The following SLC24A1 variants were observed in gnomAD, a reference collection of about 807,000 sequenced individuals.
SLC24A1 encodes solute carrier family 24 member 1.
Under a neutral mutation model 88.1 loss-of-function variants are expected in SLC24A1, and 52 were observed. The observed-to-expected ratio is 0.59, with a 90% CI of 0.47 to 0.74. The LOEUF (loss-of-function observed/expected upper bound fraction) is 0.74. Ranked by LOEUF, SLC24A1 falls within the 30% of genes least tolerant of loss-of-function variation. The pLI, the probability that SLC24A1 is intolerant of heterozygous loss-of-function variation, is 0.00. For missense variants in SLC24A1, 1,173 were observed against 1,363.3 expected (o/e 0.86, Z 2.20); for synonymous variants, 455 against 498.0 (o/e 0.91, Z 1.15).
intron 1 of SLC24A1, chr15:65,612,169 ACTTT>A (rs1277347780): frequency 2.0e-5 from 3 of 152,270 alleles, no homozygotes; most frequent in South Asian, 2.1e-4. Flanking sequence ...GCAAGAGGTG[ACTTT>A]CTTTCTAACC....
At position 65,645,681 on chromosome 15, in the gene SLC24A1, A is replaced by T; in HGVS notation, c.2210A>T (p.Gln737Leu). Residue 737 changes from glutamine (Q) to leucine (L), a missense_variant, in exon 6 of 10, where the codon CAG (glutamine) becomes CTG (leucine). Gln to Leu is a moderately radical substitution (Grantham distance 113, BLOSUM62 -2). Coordinates refer to ENST00000261892, the MANE Select transcript of SLC24A1 (RefSeq NM_004727.3). Reference sequence around the variant, plus strand: ...CCTGTTCCAGACATCAAGGGAGATCAGAAGGAGAATCCAGGCGGTCAGGTA... The same window carrying T: ...CCTGTTCCAGACATCAAGGGAGATCTGAAGGAGAATCCAGGCGGTCAGGTA... Reference protein sequence around the residue: ...PAPVPDIKGDQKENPGGQEDV... With the variant: ...PAPVPDIKGDLKENPGGQEDV... 6.3e-7 allele frequency: 1 copy of T among 1,577,682 alleles called. No homozygotes were observed.
chr15:65,640,197 C>G (rs911887103), intron 4 of SLC24A1, among the ~76,000 whole-genome samples: 13 of 152,140 alleles, frequency 8.5e-5, no homozygotes, highest in African/African-American at 2.7e-4. Context: ...CTTCCTTTTG[C>G]TTTATATTCA....
chr15:65,637,266 T>C (rs1356787215), intron 2 of SLC24A1, among the ~76,000 whole-genome samples: 1 of 147,894 alleles, frequency 6.8e-6, no homozygotes, highest in Non-Finnish European at 1.5e-5. Context: ...CCCAAAACAC[T>C]AGCACTTACC....
downstream of SLC24A1, among the ~76,000 whole-genome samples, chr15:65,656,895 G>A (rs2075701120): frequency 6.6e-6 from 1 of 152,160 alleles, no homozygotes; most frequent in South Asian, 2.1e-4. Flanking sequence ...AAAAGAGACG[G>A]GGCCTTGCCC....
In SLC24A1 at chr15:65,654,745, GC is replaced by G; in HGVS notation, c.*669del. 1 of 1,185,194 alleles carries G rather than the reference GC, an allele frequency of 8.4e-7. No homozygotes were observed. Among genetic ancestry groups the G allele is most frequent in the African/African-American group, 1.8e-5 (1 of 56,492 alleles). The allele number at this position is 1,185,194 out of a possible 1,614,324, so 73.4% of individuals were successfully genotyped here. On this transcript the variant is annotated 3_prime_UTR_variant, in exon 10 of 10. Coordinates refer to ENST00000261892, the MANE Select transcript of SLC24A1 (RefSeq NM_004727.3). Reference sequence around the variant, plus strand: ...TTTGAGACAGAGTTTGGCTCTTGTTGCCCAGGCTGGTGTGCAATGGCGTGAT... The same window carrying G: ...TTTGAGACAGAGTTTGGCTCTTGTTGCCAGGCTGGTGTGCAATGGCGTGAT...
Position 65,646,178 on chromosome 15 carries a change from CTCT to C in SLC24A1, c.2232+482_2232+484del, listed in dbSNP as rs893220516. ...TGCCCCGTCTTTACAGCCTCATGGTCTCTTCTTCTACCATGCTCCAGCCAAACT... is the reference window on the plus strand; with the variant it reads ...TGCCCCGTCTTTACAGCCTCATGGTCTCTTCTACCATGCTCCAGCCAAACT... On this transcript the variant is annotated intron_variant, in intron 6 of 9. Coordinates refer to ENST00000261892, the MANE Select transcript of SLC24A1 (RefSeq NM_004727.3). Among the ~76,000 whole-genome samples, 16 of 152,276 alleles carry C rather than the reference CTCT, an allele frequency of 1.1e-4. 1 individual carries two copies. Among genetic ancestry groups the C allele is most frequent in the African/African-American group, 3.6e-4 (15 of 41,560 alleles).
chr15:65,639,112 C>T (rs1248730535), intron 3 of SLC24A1, among the ~76,000 whole-genome samples: 1 of 152,180 alleles, frequency 6.6e-6, no homozygotes, highest in Non-Finnish European at 1.5e-5. Flanking sequence ...GGCTTAGGCA[C>T]CTAGCTTCTT....
In SLC24A1 at chr15:65,638,164, G is replaced by A. The variant is rs1271968195; in HGVS notation, c.1927G>A (p.Asp643Asn). Residue 643 changes from aspartate to asparagine, a missense_variant, in exon 3 of 10, where the codon GAT (aspartate) becomes AAT (asparagine). Asp to Asn is a conservative substitution (Grantham distance 23, BLOSUM62 1). Transcript: ENST00000261892. The stretch of plus-strand genomic sequence containing the variant: ...GGCCATTGCGGTGGATGAGCTACAG[G>A]ATAACAAGAAGCTGAAGGTGGGTGC... Reference protein sequence around the residue: ...DGAIAVDELQDNKKLKLPSLL... With the variant: ...DGAIAVDELQNNKKLKLPSLL... 1 of 1,609,628 alleles carries A rather than the reference G, an allele frequency of 6.2e-7. No individual in the cohort carries two copies. Among genetic ancestry groups the A allele is most frequent in the Admixed American group, 1.7e-5 (1 of 59,554 alleles).
At chr15:65,613,074 G>A (rs769627101) in intron 2 of SLC24A1, among the ~76,000 whole-genome samples, 32 of 152,142 alleles carry the variant, frequency 2.1e-4, no homozygotes, top group Non-Finnish European at 4.0e-4. Flanking sequence ...TTTTAAAGGG[G>A]GTGTCTTTCA....
chr15:65,645,755 C>A, intron 6 of SLC24A1, 52 bp downstream of exon 6: 3 of 1,268,380 alleles, frequency 2.4e-6, no homozygotes, highest in Non-Finnish European at 3.3e-6. Context: ...AGGGAAGGAA[C>A]TCTTGACCAA....
intron 8 of SLC24A1, 199 bp from the exon 9 acceptor site, chr15:65,652,443 G>A: frequency 1.9e-6 from 1 of 525,478 alleles, no homozygotes. Context: ...GGTCCCTGTG[G>A]CCAGGAGCAG....
chr15:65,649,183 A>G (rs1365869155), intron 6 of SLC24A1, among the ~76,000 whole-genome samples: 1 of 152,060 alleles, frequency 6.6e-6, no homozygotes, highest in Non-Finnish European at 1.5e-5. Flanking sequence ...GCTCACTGCA[A>G]CTTCTACCAC....
intron 1 of SLC24A1, among the ~76,000 whole-genome samples, chr15:65,622,899 G>T (rs897234759): frequency 6.6e-6 from 1 of 151,880 alleles, no homozygotes; most frequent in Non-Finnish European, 1.5e-5. Context: ...GCACCACCAC[G>T]CCTGGCTAAC....
chr15:65,653,899 C>G lies in SLC24A1; in HGVS notation c.3120C>G (p.Gly1040=). ...AGCCAGTTCCAGTCAGCAGCAATGG[C>G]TTGTTTTGTGCAATTGTTTTGCTTT... ...GLQPVPVSSN[G]LFCAIVLLFL... Residue 1040 remains glycine, a synonymous_variant, in exon 10 of 10, where the codon GGC becomes GGG. Transcript: ENST00000261892. The G allele has an allele frequency of 6.2e-7, 1 of 1,613,930 alleles. No homozygotes were observed. Among genetic ancestry groups the G allele is most frequent in the South Asian group, 1.1e-5 (1 of 91,078 alleles).
chr15:65,635,476 A>G (rs938510740), intron 2 of SLC24A1, among the ~76,000 whole-genome samples: 1 of 148,706 alleles, frequency 6.7e-6, no homozygotes, highest in African/African-American at 2.5e-5. Flanking sequence ...AAAAAGAAAA[A>G]AAAAGAAAGA....
At chr15:65,658,736 A>C (rs2075757379), downstream of SLC24A1, among the ~76,000 whole-genome samples, 1 of 152,252 alleles carries the variant, frequency 6.6e-6, no homozygotes, top group Non-Finnish European at 1.5e-5. Context: ...GCCTGTATTT[A>C]GAAATTAAGC....
At position 65,651,772 on chromosome 15, in the gene SLC24A1, C is replaced by T; in HGVS notation, c.2883+13C>T. 1 of 1,459,424 alleles carries T rather than the reference C, an allele frequency of 6.9e-7. No homozygotes were observed. Among genetic ancestry groups the T allele is most frequent in the Non-Finnish European group, 9.6e-7 (1 of 1,039,972 alleles). 90.4% of individuals were successfully genotyped at this position (1,459,424 alleles called of 1,614,324 possible). ...GTGGGCTCACCAGGTGAGTGAACAG[C>T]AGGAACGAAATCCTCTACCAGCAGG... On this transcript the variant is annotated intron_variant, in intron 8 of 9. Coordinates refer to ENST00000261892, the MANE Select transcript of SLC24A1 (RefSeq NM_004727.3).
At chr15:65,660,390 T>C, downstream of SLC24A1, 1 of 1,212,012 alleles carries the variant, frequency 8.3e-7, no homozygotes, top group East Asian at 2.5e-5. Context: ...CCAAGATACC[T>C]CCAGTCCAAG....
chr15:65,636,216 G>A (rs2074928113), intron 2 of SLC24A1, among the ~76,000 whole-genome samples: 1 of 152,216 alleles, frequency 6.6e-6, no homozygotes, highest in Admixed American at 6.5e-5. Flanking sequence ...TCACTTTGTG[G>A]AGGTGAAGCA....
Sources: allele counts gnomAD v4.1 joint callset (sites outside exome capture counted in the v4.1 genomes callset), GRCh38; gene constraint gnomAD v4.1.1; transcripts MANE v1.5; gene names NCBI Gene and HGNC (gene_info 2026-07-23, HGNC 2026-07-21).